The following SLC38A10 variants were observed in gnomAD, a reference collection of about 807,000 sequenced individuals.
The protein encoded by SLC38A10 is Sodium-coupled neutral amino acid transporter 10.
SLC38A10 carries 53 observed loss-of-function variants against 81.0 expected under a neutral mutation model. That is an observed-to-expected ratio of 0.65 (90% confidence interval 0.53 to 0.82). The LOEUF (loss-of-function observed/expected upper bound fraction) is 0.82. Ranked by LOEUF, SLC38A10 falls within the 40% of genes least tolerant of loss-of-function variation. The pLI is 0.00. For synonymous variants in SLC38A10, 665 were observed against 655.3 expected (o/e 1.01, Z -0.23); for missense variants, 1,471 against 1,545.0 (o/e 0.95, Z 0.80).
chr17:81,266,240 T>C (rs2063069026), intron 10 of SLC38A10, among the ~76,000 whole-genome samples: 1 of 152,078 alleles, frequency 6.6e-6, no homozygotes, highest in South Asian at 2.1e-4. Flanking sequence ...AGCCAAGAGA[T>C]CCAGCAGGAG....
intron 2 of SLC38A10, among the ~76,000 whole-genome samples, chr17:81,285,914 G>A (rs896706647): frequency 6.6e-6 from 1 of 152,216 alleles, no homozygotes; most frequent in Non-Finnish European, 1.5e-5. Context: ...GAGCCCGGGA[G>A]CAGCAAAGAC....
chr17:81,258,001 C>G (rs562602663), intron 11 of SLC38A10, among the ~76,000 whole-genome samples: 1 of 152,378 alleles, frequency 6.6e-6, no homozygotes, highest in South Asian at 2.1e-4. Flanking sequence ...CGACTCCCAG[C>G]TTTCAAGGTA....
chr17:81,294,762 A>G (rs8064597), intron 1 of SLC38A10, 61 bp downstream of exon 1: 832,010 of 1,461,332 alleles, frequency 0.57, 243,635 homozygotes, highest in African/African-American at 0.87. Flanking sequence ...AGGACGACCC[A>G]GCCAGACGCC....
At chr17:81,282,392 C>G in intron 4 of SLC38A10, 60 bp from the exon 5 acceptor site, 1 of 1,552,378 alleles carries the variant, frequency 6.4e-7, no homozygotes, top group Non-Finnish European at 8.7e-7. Flanking sequence ...ACCGGGCTCT[C>G]TGCACTGACA....
chr17:81,252,678 C>A lies in SLC38A10; in HGVS notation c.1462G>T (p.Ala488Ser). Residue 488 changes from alanine (A) to serine (S), a missense_variant, in exon 13 of 16, where the codon GCT becomes TCT. Around this residue, in one of 2 missense-constraint regions of SLC38A10, gnomAD observed 720 missense variants for 827.7 expected, o/e 0.87. Coordinates refer to ENST00000374759, the MANE Select transcript of SLC38A10 (RefSeq NM_001037984.3). The stretch of plus-strand genomic sequence containing the variant: ...CGGTGGGCCTCGCCCACAGGCACAG[C>A]AATCCCTGCAAGGGCACGGGGGACA... ...AQLDRPGQGIAVPVGEAHRHE... is the reference protein window; with the variant it reads ...AQLDRPGQGISVPVGEAHRHE... 1 of 1,599,212 alleles carries A rather than the reference C, an allele frequency of 6.3e-7. No individual in the cohort carries two copies. Among genetic ancestry groups the A allele is most frequent in the Non-Finnish European group, 8.5e-7 (1 of 1,176,868 alleles).
At chr17:81,255,632 C>T (rs2062964829) in intron 11 of SLC38A10, among the ~76,000 whole-genome samples, 3 of 152,230 alleles carry the variant, frequency 2.0e-5, no homozygotes, top group South Asian at 2.1e-4. Context: ...GATGGCTCCA[C>T]GCACGCCCCC....
At chr17:81,257,850 G>C (rs2062987041) in intron 11 of SLC38A10, among the ~76,000 whole-genome samples, 1 of 152,278 alleles carries the variant, frequency 6.6e-6, no homozygotes, top group Non-Finnish European at 1.5e-5. Flanking sequence ...GGGCCCTGCT[G>C]TGCTGCCCCA....
At chr17:81,248,222 G>A (rs2062872722) in intron 14 of SLC38A10, among the ~76,000 whole-genome samples, 1 of 152,192 alleles carries the variant, frequency 6.6e-6, no homozygotes, top group Admixed American at 6.5e-5. Flanking sequence ...CTCGCAAAGT[G>A]CTGGGATTAC....
rs1322657701 is a variant in SLC38A10, at chr17:81,265,689, C to T, written c.1131+5229G>A. 1.3e-5 allele frequency among the ~76,000 whole-genome samples: 2 copies of T among 152,222 alleles called. No homozygotes were observed. The highest frequency in any genetic ancestry group is 4.8e-5 in the African/African-American group (2 of 41,462). Reference sequence around the variant, plus strand: ...ATCCAGGCCTGTGCCCCTCCGTGGGCGCAGCCGGAGCCCCTGGGACAGTGG... The same window carrying T: ...ATCCAGGCCTGTGCCCCTCCGTGGGTGCAGCCGGAGCCCCTGGGACAGTGG... On this transcript the variant is annotated intron_variant, in intron 10 of 15. Coordinates refer to ENST00000374759, the MANE Select transcript of SLC38A10 (RefSeq NM_001037984.3). This position sits in a 1 kb window ranked among gnomAD's most constrained non-coding sequence, Gnocchi z 4.2.
intron 11 of SLC38A10, among the ~76,000 whole-genome samples, chr17:81,257,629 C>T (rs139054542): frequency 2.6e-3 from 395 of 152,350 alleles, no homozygotes; most frequent in African/African-American, 8.8e-3. Context: ...TGTGTGTCCC[C>T]GCTTGGGCCT....
At chr17:81,294,580 T>C (rs1026096359) in intron 1 of SLC38A10, among the ~76,000 whole-genome samples, 2 of 152,186 alleles carry the variant, frequency 1.3e-5, no homozygotes, top group Non-Finnish European at 2.9e-5. Context: ...GTATCGAGTT[T>C]TTGAGTGTGG....
intron 1 of SLC38A10, among the ~76,000 whole-genome samples, chr17:81,292,003 TGAAA>T (rs1362389711): frequency 6.6e-6 from 1 of 152,188 alleles, no homozygotes. Context: ...GCTCGTCATA[TGAAA>T]ATTCATCAAC....
At chr17:81,282,844 C>G (rs766086056) in intron 4 of SLC38A10, among the ~76,000 whole-genome samples, 1 of 152,232 alleles carries the variant, frequency 6.6e-6, no homozygotes. Context: ...GGAGAGGACA[C>G]CCCCGCCTCA....
chr17:81,280,695 C>A lies in SLC38A10; in HGVS notation c.540G>T (p.Gly180=), dbSNP rs142512687. The A allele has an allele frequency of 6.2e-7, 1 of 1,613,766 alleles. No homozygotes were observed. The highest frequency in any genetic ancestry group is 1.1e-5 in the South Asian group (1 of 91,058). Residue 180 remains glycine (G), a synonymous_variant, in exon 6 of 16, where the codon GGG becomes GGT. Coordinates refer to ENST00000374759, the MANE Select transcript of SLC38A10 (RefSeq NM_001037984.3). Reference sequence around the variant, plus strand: ...CGTAGCTGACCCGCCGCAGCCACTGCCCACTGAAGAGGCCGTGCTTGAGAG... The same window carrying A: ...CGTAGCTGACCCGCCGCAGCCACTGACCACTGAAGAGGCCGTGCTTGAGAG... ...LSSLKHGLFS[G]QWLRRVSYVR...
At chr17:81,261,054 G>A (rs1366368440) in intron 10 of SLC38A10, among the ~76,000 whole-genome samples, 1 of 152,228 alleles carries the variant, frequency 6.6e-6, no homozygotes, top group Non-Finnish European at 1.5e-5. Context: ...GTGGTGTGGT[G>A]CCCACTGGGG....
rs375422900 is a variant in SLC38A10 at position 81,277,180 on chromosome 17, C to T, written c.627-47G>A. The stretch of plus-strand genomic sequence containing the variant: ...CACAGCGGACCTGAGAGAGGCACGC[C>T]CTCCCCAGCGGCTCCACTTCTAGGA... On this transcript the variant is annotated intron_variant, in intron 6 of 15. Transcript: ENST00000374759. The surrounding 1 kb of genome is among the most constrained non-coding windows in gnomAD (Gnocchi z 4.5). The T allele has an allele frequency of 6.4e-7, 1 of 1,567,402 alleles. No homozygotes were observed. Among genetic ancestry groups the T allele is most frequent in the South Asian group, 1.1e-5 (1 of 89,620 alleles).
At position 81,265,058 on chromosome 17, in the gene SLC38A10, A is replaced by T. The variant is rs2063058378; in HGVS notation, c.1132-4664T>A. 6.6e-6 allele frequency: 1 copy of T among 152,296 alleles called. No homozygotes were observed. The highest frequency in any genetic ancestry group is 1.5e-5 in the Non-Finnish European group (1 of 68,118). The allele number at this position is 152,296 out of a possible 1,614,324, so 9.4% of individuals were successfully genotyped here. A position where few individuals can be genotyped will look rare whatever the true frequency, so the allele number is the denominator to read the frequency against. ...GCCCCAGCCTCACTCAGGACTGGAGAGACCCTCAACTTTCTGACTTTCAAA... is the reference window on the plus strand; with the variant it reads ...GCCCCAGCCTCACTCAGGACTGGAGTGACCCTCAACTTTCTGACTTTCAAA... On this transcript the variant is annotated intron_variant, in intron 10 of 15. Coordinates refer to ENST00000374759, the MANE Select transcript of SLC38A10 (RefSeq NM_001037984.3). This position sits in a 1 kb window ranked among gnomAD's most constrained non-coding sequence, Gnocchi z 4.2.
intron 15 of SLC38A10, 91 bp downstream of exon 15, chr17:81,246,794 A>G: frequency 1.3e-6 from 2 of 1,510,454 alleles, no homozygotes; most frequent in Non-Finnish European, 1.8e-6. Context: ...GCTCAGGTCT[A>G]GAGGCCACCG....
chr17:81,252,087 G>C (rs1473089206), intron 13 of SLC38A10, 108 bp downstream of exon 13: 2 of 1,428,692 alleles, frequency 1.4e-6, no homozygotes, highest in Non-Finnish European at 1.9e-6. Flanking sequence ...CTGGTGCAGG[G>C]AGAGAGACTG....
Sources: gnomAD v4.1 joint callset for allele counts (sites outside exome capture counted in the v4.1 genomes callset) on GRCh38, gnomAD v4.1.1 for gene constraint, gnomAD v4.1.1 regional missense constraint, Gnocchi (gnomAD v3.1) non-coding constraint, MANE v1.5 for transcripts, NCBI Gene and HGNC (gene_info 2026-07-23, HGNC 2026-07-21) for gene names.